The following C6 variants were observed in gnomAD, a reference collection of about 807,000 sequenced individuals.
C6 encodes complement C6.
A neutral mutation model predicts 112.9 loss-of-function variants in C6; 101 were observed. That is an observed-to-expected ratio of 0.89 (90% CI 0.76 to 1.06). The LOEUF is 1.06. C6 is among the 50% of genes least tolerant of loss of function. The probability of loss-of-function intolerance (pLI) is 0.00; values close to 1 mark genes in which losing one functional copy is unlikely to be tolerated. For missense variants in C6, 1,202 were observed against 1,104.6 expected (o/e 1.09, Z -1.25); for synonymous variants, 431 against 384.1 (o/e 1.12, Z -1.43).
intron 17 of C6, among the ~76,000 whole-genome samples, chr5:41,145,495 C>T (rs942377049): frequency 2.6e-4 from 40 of 152,008 alleles, no homozygotes; most frequent in African/African-American, 9.2e-4. Context: ...TTCATGTTGC[C>T]AAAATACCTG....
At chr5:41,199,485 T>A (rs983176120) in intron 4 of C6, among the ~76,000 whole-genome samples, 1 of 152,224 alleles carries the variant, frequency 6.6e-6, no homozygotes, top group Non-Finnish European at 1.5e-5. Context: ...ATTCTTGTCA[T>A]AATAAATTAT....
intron 7 of C6, among the ~76,000 whole-genome samples, chr5:41,178,479 T>C (rs1012508680): frequency 3.3e-5 from 2 of 60,284 alleles, no homozygotes; most frequent in South Asian, 5.7e-4. Context: ...TTTTTTTTTT[T>C]TTTTTTTGTG....
intron 2 of C6, 63 bp from the exon 3 acceptor site, chr5:41,201,777 T>C: frequency 7.2e-7 from 1 of 1,387,808 alleles, no homozygotes. Flanking sequence ...TGCTCCATAA[T>C]CAAAGTATCA....
intron 1 of C6, among the ~76,000 whole-genome samples, chr5:41,227,335 T>C (rs892209407): frequency 1.3e-5 from 2 of 152,150 alleles, no homozygotes; most frequent in African/African-American, 2.4e-5. Flanking sequence ...TTGAGGTTTT[T>C]AATACATTTT....
intron 17 of C6, among the ~76,000 whole-genome samples, chr5:41,144,494 T>C (rs1483350199): frequency 6.6e-6 from 1 of 152,204 alleles, no homozygotes; most frequent in Admixed American, 6.5e-5. Flanking sequence ...CTCAAACTCC[T>C]GAGCTCAACT....
At chr5:41,148,407 C>T (rs975840955) in intron 17 of C6, among the ~76,000 whole-genome samples, 91 of 152,214 alleles carry the variant, frequency 6.0e-4, no homozygotes, top group African/African-American at 2.1e-3. Context: ...TATACGGGGC[C>T]ACTCCTGAAA....
chr5:41,215,018 T>A (rs746869717), upstream of C6, among the ~76,000 whole-genome samples: 1 of 152,140 alleles, frequency 6.6e-6, no homozygotes, highest in Non-Finnish European at 1.5e-5. Context: ...GAATCTAGAA[T>A]CTTTTCAACA....
Position 41,145,356 on chromosome 5 carries a change from C to T in C6, c.2624-2350G>A, listed in dbSNP as rs547334093. On this transcript the variant is annotated intron_variant, in intron 17 of 17. Transcript: ENST00000337836. The stretch of plus-strand genomic sequence containing the variant: ...AGTGCTTTTTTGGAGAGCAGTGTGG[C>T]TCATCTGTCCTATCAACTCTTAACA... 2.8e-4 allele frequency among the ~76,000 whole-genome samples: 43 copies of T among 152,254 alleles called. No homozygotes were observed. The Middle Eastern group carries it at 0.01, about 36-fold the overall frequency.
intron 1 of C6, among the ~76,000 whole-genome samples, chr5:41,239,411 T>G (rs1838497): frequency 6.6e-6 from 1 of 151,958 alleles, no homozygotes; most frequent in Non-Finnish European, 1.5e-5. Flanking sequence ...TGTGCCTGGC[T>G]GAGCATTTAT....
In C6 at chr5:41,142,860, T is replaced by C. The variant is rs779543184; in HGVS notation, c.2770A>G (p.Met924Val). The change falls in exon 18 of 18, where the codon ATG (methionine) becomes GTG (valine). Residue 924 changes from methionine (M) to valine (V), a missense_variant. Physicochemically the swap from Met to Val is conservative, Grantham distance 21. Coordinates refer to ENST00000337836, the MANE Select transcript of C6 (RefSeq NM_000065.5). ...VGTIRCANRK[M>V]EILHPGKCLA The stretch of plus-strand genomic sequence containing the variant: ...CACTTTCCAGGATGCAGTATTTCCA[T>C]CTTCCTGTTTGCACATCTTATAGTT... 1.9e-6 allele frequency: 3 copies of C among 1,613,506 alleles called. No homozygotes were observed. Among genetic ancestry groups the C allele is most frequent in the South Asian group, 2.2e-5 (2 of 91,084 alleles).
chr5:41,172,650 C>T (rs1748527066), intron 8 of C6: 1 of 461,862 alleles, frequency 2.2e-6, no homozygotes, highest in Non-Finnish European at 4.0e-6. Flanking sequence ...ATGTCCTGTC[C>T]TTGTTGCCTG....
At chr5:41,159,859 T>C (rs1345314947) in intron 11 of C6, among the ~76,000 whole-genome samples, 3 of 152,190 alleles carry the variant, frequency 2.0e-5, no homozygotes, top group Non-Finnish European at 2.9e-5. Context: ...TCTTGATATA[T>C]AAATACGCAT....
intron 8 of C6, among the ~76,000 whole-genome samples, chr5:41,176,255 A>G (rs1277292301): frequency 6.6e-6 from 1 of 152,188 alleles, no homozygotes; most frequent in Admixed American, 6.5e-5. Context: ...CTAAAATCAC[A>G]GTGGTTAAGC....
intron 9 of C6, among the ~76,000 whole-genome samples, chr5:41,162,200 A>T (rs1747584864): frequency 6.6e-6 from 1 of 152,182 alleles, no homozygotes; most frequent in Admixed American, 6.5e-5. Flanking sequence ...ACACATGGTT[A>T]CTAAGAGACA....
intron 9 of C6, among the ~76,000 whole-genome samples, chr5:41,169,174 C>T (rs1748219151): frequency 6.6e-6 from 1 of 152,084 alleles, no homozygotes; most frequent in Non-Finnish European, 1.5e-5. Context: ...GGCAAATGAC[C>T]TATCAGATGA....
chr5:41,180,206 A>AG, intron 7 of C6, among the ~76,000 whole-genome samples: 1 of 152,288 alleles, frequency 6.6e-6, no homozygotes, highest in South Asian at 2.1e-4. Flanking sequence ...TAAAAGTAGG[A>AG]GCAACCGTAA....
At chr5:41,174,401 G>T (rs1377211021) in intron 8 of C6, among the ~76,000 whole-genome samples, 1 of 152,190 alleles carries the variant, frequency 6.6e-6, no homozygotes, top group Non-Finnish European at 1.5e-5. Flanking sequence ...AAAGACAGGA[G>T]TGTTAGTTGA....
intron 15 of C6, among the ~76,000 whole-genome samples, chr5:41,151,232 G>A (rs1746364407): frequency 1.3e-5 from 2 of 152,148 alleles, no homozygotes; most frequent in African/African-American, 4.8e-5. Flanking sequence ...TGGTAGTTCA[G>A]GTGAAAGAGG....
intron 15 of C6, among the ~76,000 whole-genome samples, chr5:41,153,378 T>C (rs925804717): frequency 2.6e-5 from 4 of 152,244 alleles, no homozygotes; most frequent in Non-Finnish European, 4.4e-5. Context: ...GCCTACAGTG[T>C]CTTAAAGATC....
Sources: gnomAD v4.1 joint callset for allele counts (sites outside exome capture counted in the v4.1 genomes callset) on GRCh38, gnomAD v4.1.1 for gene constraint, MANE v1.5 for transcripts, NCBI Gene and HGNC (gene_info 2026-07-23, HGNC 2026-07-21) for gene names.